FAM13A: variants seen among roughly 807,000 people sequenced by gnomAD.
FAM13A encodes protein FAM13A.
In FAM13A, 76 loss-of-function variants were observed where a neutral mutation model predicts 129.6. The observed-to-expected ratio is 0.59, with a 90% confidence interval of 0.49 to 0.71. The LOEUF is 0.71. Among genes scored for constraint, FAM13A ranks in the 30% least tolerant of loss-of-function variants. FAM13A has a pLI of 0.00. For synonymous variants in FAM13A, 443 were observed against 449.9 expected (o/e 0.98, Z 0.20); for missense variants, 1,108 against 1,249.3 (o/e 0.89, Z 1.70).
chr4:88,794,613 G>T (rs1390839704), intron 8 of FAM13A, among the ~76,000 whole-genome samples: 1 of 151,810 alleles, frequency 6.6e-6, no homozygotes, highest in Non-Finnish European at 1.5e-5. Context: ...TCTTATTTCA[G>T]TATGTTCTCC....
intron 6 of FAM13A, among the ~76,000 whole-genome samples, chr4:88,864,032 T>C (rs1313530310): frequency 6.6e-6 from 1 of 152,200 alleles, no homozygotes; most frequent in Non-Finnish European, 1.5e-5. Flanking sequence ...TCGGAATATA[T>C]TGCGATAATA....
At chr4:88,748,222 C>T (rs140131708) in intron 17 of FAM13A, among the ~76,000 whole-genome samples, 1 of 152,324 alleles carries the variant, frequency 6.6e-6, no homozygotes, top group African/African-American at 2.4e-5. Flanking sequence ...CTGCCCAACA[C>T]AAATTGTTTT....
At chr4:88,770,797 G>T (rs560210117) in intron 11 of FAM13A, among the ~76,000 whole-genome samples, 9 of 152,238 alleles carry the variant, frequency 5.9e-5, no homozygotes, top group African/African-American at 2.2e-4. Flanking sequence ...GTTGTGAGAT[G>T]TGAGAAAGCT....
intron 9 of FAM13A, 77 bp from the exon 10 acceptor site, chr4:88,788,009 T>C: frequency 8.6e-7 from 1 of 1,159,476 alleles, no homozygotes; most frequent in East Asian, 2.5e-5. Context: ...TGCCTACAGT[T>C]TTGGGAACAT....
chr4:88,728,235 G>A lies in FAM13A; in HGVS notation c.*298C>T. 2.4e-6 allele frequency: 1 copy of A among 411,416 alleles called. No homozygotes were observed. The highest frequency in any genetic ancestry group is 3.1e-5 in the South Asian group (1 of 32,592). The allele number at this position is 411,416 out of a possible 1,614,324, so 25.5% of individuals were successfully genotyped here. On this transcript the variant is annotated 3_prime_UTR_variant, in exon 24 of 24. Coordinates refer to ENST00000264344, the MANE Select transcript of FAM13A (RefSeq NM_014883.4). ...TTGTCTAATGTAGTGATTAATCTCTGCTAGTGTTAGGAAAGCTCCACTACT... is the reference window on the plus strand; with the variant it reads ...TTGTCTAATGTAGTGATTAATCTCTACTAGTGTTAGGAAAGCTCCACTACT...
At chr4:88,814,903 G>C (rs151229136) in intron 7 of FAM13A, among the ~76,000 whole-genome samples, 3 of 151,990 alleles carry the variant, frequency 2.0e-5, no homozygotes, top group Admixed American at 2.0e-4. Context: ...GGAGTACAGT[G>C]GCATGATCAT....
chr4:89,051,598 A>G (rs115485706), intron 1 of FAM13A, among the ~76,000 whole-genome samples: 2,214 of 152,214 alleles, frequency 0.015, 59 homozygotes, highest in African/African-American at 0.05. Flanking sequence ...CCAAAGTCTC[A>G]TCTAAATATC....
At chr4:88,730,678 C>T (rs771296707) in intron 23 of FAM13A, among the ~76,000 whole-genome samples, 7 of 152,310 alleles carry the variant, frequency 4.6e-5, no homozygotes, top group Non-Finnish European at 1.0e-4. Flanking sequence ...AGGCGTGAGC[C>T]ACCACGCCTG....
intron 6 of FAM13A, among the ~76,000 whole-genome samples, chr4:88,896,025 G>A (rs1332255673): frequency 2.7e-5 from 4 of 147,078 alleles, no homozygotes; most frequent in African/African-American, 1.0e-4. Context: ...CAACCCAAAT[G>A]TCCAACAATG....
chr4:88,890,150 C>G (rs1346380493), intron 6 of FAM13A, among the ~76,000 whole-genome samples: 1 of 152,212 alleles, frequency 6.6e-6, no homozygotes, highest in East Asian at 1.9e-4. Flanking sequence ...GTCTCCAGCT[C>G]AGCCTGGCTC....
chr4:89,055,468 A>T (rs1044418781), intron 1 of FAM13A, among the ~76,000 whole-genome samples: 1 of 152,176 alleles, frequency 6.6e-6, no homozygotes, highest in Non-Finnish European at 1.5e-5. Flanking sequence ...ATTAAGGGAA[A>T]ATATAAAGTT....
chr4:88,867,500 T>C (rs1292816188), intron 6 of FAM13A, among the ~76,000 whole-genome samples: 2 of 152,398 alleles, frequency 1.3e-5, no homozygotes, highest in Admixed American at 6.5e-5. Flanking sequence ...GCTGAGAATA[T>C]GCATTTCTCA....
At chr4:88,749,556 C>G (rs1019020625) in intron 16 of FAM13A, among the ~76,000 whole-genome samples, 3 of 151,962 alleles carry the variant, frequency 2.0e-5, no homozygotes, top group African/African-American at 7.3e-5. Flanking sequence ...CTTAAGCTTT[C>G]ATTTTTTTTT....
intron 4 of FAM13A, among the ~76,000 whole-genome samples, chr4:88,979,576 G>A (rs992747651): frequency 1.3e-5 from 2 of 152,028 alleles, no homozygotes; most frequent in African/African-American, 4.8e-5. Context: ...TGCCTCATAG[G>A]GTTTTGAGGA....
chr4:89,056,366 G>C (rs1772196017), intron 1 of FAM13A, among the ~76,000 whole-genome samples: 2 of 152,036 alleles, frequency 1.3e-5, no homozygotes, highest in Non-Finnish European at 2.9e-5. Context: ...TTATTTCAGT[G>C]TTATTTATTA....
chr4:88,772,806 TACTG>T (rs1720945291), intron 11 of FAM13A, among the ~76,000 whole-genome samples: 1 of 152,210 alleles, frequency 6.6e-6, no homozygotes, highest in African/African-American at 2.4e-5. Flanking sequence ...ATACTATACT[TACTG>T]AAAGTAAAAA....
chr4:88,759,208 T>G (rs1744311969), intron 13 of FAM13A: 1 of 270,630 alleles, frequency 3.7e-6, no homozygotes, highest in African/African-American at 2.1e-5. Context: ...GGTGTTTTCT[T>G]AAAGGAGTAT....
At chr4:88,809,943 T>C (rs1729343401) in intron 7 of FAM13A, among the ~76,000 whole-genome samples, 1 of 151,970 alleles carries the variant, frequency 6.6e-6, no homozygotes, top group Non-Finnish European at 1.5e-5. Flanking sequence ...TGTAATTTGT[T>C]GCGGGTGGGG....
chr4:89,037,344 C>T (rs1769518660), intron 1 of FAM13A, among the ~76,000 whole-genome samples: 1 of 152,218 alleles, frequency 6.6e-6, no homozygotes, highest in Admixed American at 6.5e-5. Context: ...AATGACTGCC[C>T]TGCTGGGTTT....
Sources: gnomAD v4.1 joint callset for allele counts (sites outside exome capture counted in the v4.1 genomes callset) on GRCh38, gnomAD v4.1.1 for gene constraint, MANE v1.5 for transcripts, NCBI Gene and HGNC (gene_info 2026-07-23, HGNC 2026-07-21) for gene names.